UST: variants seen among roughly 807,000 people sequenced by gnomAD.
The protein encoded by UST is uronyl 2-sulfotransferase.
In UST, 21 loss-of-function variants were observed where a neutral mutation model predicts 45.6. The ratio of observed to expected loss-of-function variants is 0.46; its 90% confidence interval spans 0.33 to 0.66. UST has a LOEUF of 0.66. UST is among the 30% of genes least tolerant of loss of function. The pLI, the probability that UST is intolerant of heterozygous loss-of-function variation, is 0.02. For missense variants in UST, 463 were observed against 512.4 expected (o/e 0.90, Z 0.93); for synonymous variants, 215 against 200.6 (o/e 1.07, Z -0.61).
chr6:148,834,390 G>C (rs371535405), intron 1 of UST, among the ~76,000 whole-genome samples: 13 of 152,276 alleles, frequency 8.5e-5, no homozygotes, highest in African/African-American at 3.1e-4. Context: ...TACCAAAGCA[G>C]CATTATTTCC....
chr6:148,849,777 G>A (rs769163749), intron 1 of UST, among the ~76,000 whole-genome samples: 82 of 152,192 alleles, frequency 5.4e-4, no homozygotes, highest in Non-Finnish European at 9.4e-4. Flanking sequence ...CCTCCACCTC[G>A]TCCTGCCCTT....
rs143448955 is a variant in UST, at chr6:148,800,380, C to T, written c.247+52703C>T. Among the ~76,000 whole-genome samples the T allele has an allele frequency of 3.9e-5, 6 of 152,326 alleles. No individual in the cohort carries two copies. In the East Asian group the frequency reaches 1.2e-3, roughly 29 times the overall value. On this transcript the variant is annotated intron_variant, in intron 1 of 7. Transcript: ENST00000367463. ...TTTTTACTTCATCTTTCTTCCTCCC[C>T]CATCTTTTGTCCTTAATTAGAGCAG...
chr6:149,048,295 C>A (rs2115034929), intron 7 of UST, among the ~76,000 whole-genome samples: 1 of 152,176 alleles, frequency 6.6e-6, no homozygotes, highest in Non-Finnish European at 1.5e-5. Flanking sequence ...GTAATCCTAG[C>A]ACTTTAGGAG....
chr6:149,063,573 C>T (rs1776688527), intron 7 of UST, among the ~76,000 whole-genome samples: 1 of 152,172 alleles, frequency 6.6e-6, no homozygotes, highest in African/African-American at 2.4e-5. Flanking sequence ...GGGTAGACTG[C>T]TTCTCGCTAA....
chr6:148,940,665 C>T (rs1780108462), intron 2 of UST, among the ~76,000 whole-genome samples: 1 of 152,194 alleles, frequency 6.6e-6, no homozygotes, highest in Non-Finnish European at 1.5e-5. Context: ...AGCAATTCCA[C>T]TCCACTCCTG....
At chr6:148,914,661 TAGG>T (rs1300166635) in intron 2 of UST, among the ~76,000 whole-genome samples, 1 of 152,098 alleles carries the variant, frequency 6.6e-6, no homozygotes, top group Admixed American at 6.6e-5. Context: ...GCTGATCTAA[TAGG>T]AGGCAGAGGT....
chr6:148,751,800 A>G (rs923560962), intron 1 of UST, among the ~76,000 whole-genome samples: 19 of 152,244 alleles, frequency 1.2e-4, no homozygotes, highest in Non-Finnish European at 1.5e-4. Flanking sequence ...AAAAAATCAA[A>G]TAAAATCTCC....
intron 7 of UST, among the ~76,000 whole-genome samples, chr6:149,066,789 A>G (rs1369495812): frequency 1.3e-5 from 2 of 152,200 alleles, no homozygotes; most frequent in African/African-American, 2.4e-5. Context: ...ATTAATATGC[A>G]TGAAACTGAG....
At chr6:148,803,278 C>A (rs368100047) in intron 1 of UST, among the ~76,000 whole-genome samples, 196 of 152,246 alleles carry the variant, frequency 1.3e-3, no homozygotes, top group Middle Eastern at 3.4e-3. Context: ...AAGAAAGAAA[C>A]CTTAGGCATG....
intron 1 of UST, among the ~76,000 whole-genome samples, chr6:148,846,615 A>AAAAT (rs917440029): frequency 3.3e-5 from 5 of 152,168 alleles, no homozygotes; most frequent in African/African-American, 7.2e-5. Context: ...ATAAAAAATA[A>AAAAT]AAATAAATAA....
At chr6:148,774,276 A>G (rs1044781998) in intron 1 of UST, among the ~76,000 whole-genome samples, 2 of 148,792 alleles carry the variant, frequency 1.3e-5, no homozygotes, top group African/African-American at 4.9e-5. Flanking sequence ...TATTTTATAT[A>G]TATATATATA....
intron 2 of UST, among the ~76,000 whole-genome samples, chr6:148,937,578 C>T (rs767902738): frequency 6.6e-6 from 1 of 152,162 alleles, no homozygotes; most frequent in Non-Finnish European, 1.5e-5. Flanking sequence ...GTGCTGATTA[C>T]CCAAACAATT....
At chr6:148,786,588 A>G (rs1208318253) in intron 1 of UST, among the ~76,000 whole-genome samples, 1 of 152,150 alleles carries the variant, frequency 6.6e-6, no homozygotes, top group Non-Finnish European at 1.5e-5. Context: ...TTATGGATGC[A>G]TTGTATTCCA....
chr6:148,769,594 G>C (rs1297233208), intron 1 of UST, among the ~76,000 whole-genome samples: 1 of 152,216 alleles, frequency 6.6e-6, no homozygotes, highest in East Asian at 1.9e-4. Context: ...AAATTATAAA[G>C]AGACTGCTGT....
At chr6:149,004,402 G>A (rs780517569) in intron 5 of UST, among the ~76,000 whole-genome samples, 5 of 152,232 alleles carry the variant, frequency 3.3e-5, no homozygotes, top group Admixed American at 2.0e-4. Context: ...ATATAGAGAA[G>A]TGGGGAGCAG....
At chr6:149,028,126 GATCCACCGCGCCCGGCCT>G (rs1359277688) in intron 7 of UST, among the ~76,000 whole-genome samples, 1 of 152,136 alleles carries the variant, frequency 6.6e-6, no homozygotes, top group Non-Finnish European at 1.5e-5. Context: ...TTACTGGCGT[GATCCACCGCGCCCGGCCT>G]AGTATGTCAT....
At chr6:148,871,454 G>A (rs114257132) in intron 1 of UST, among the ~76,000 whole-genome samples, 9 of 152,108 alleles carry the variant, frequency 5.9e-5, no homozygotes, top group South Asian at 4.1e-4. Context: ...ATTTCTACCC[G>A]TCACCTGTCA....
At chr6:148,983,361 G>C (rs1381256707) in intron 5 of UST, among the ~76,000 whole-genome samples, 1 of 152,156 alleles carries the variant, frequency 6.6e-6, no homozygotes, top group Non-Finnish European at 1.5e-5. Context: ...GAACAAGGCA[G>C]GAATGAAAAC....
intron 4 of UST, among the ~76,000 whole-genome samples, chr6:148,957,872 C>T (rs1470121964): frequency 2.0e-5 from 3 of 152,176 alleles, no homozygotes; most frequent in African/African-American, 4.8e-5. Context: ...TAATGAGGTT[C>T]CCATGAGAAG....
Sources: gnomAD v4.1 joint callset for allele counts (sites outside exome capture counted in the v4.1 genomes callset) on GRCh38, gnomAD v4.1.1 for gene constraint, MANE v1.5 for transcripts, NCBI Gene and HGNC (gene_info 2026-07-23, HGNC 2026-07-21) for gene names.